TLN2: variants seen among roughly 807,000 people sequenced by gnomAD.
The protein encoded by TLN2 is talin 2.
TLN2 carries 118 observed loss-of-function variants against 294.7 expected under a neutral mutation model. The ratio of observed to expected loss-of-function variants is 0.40; its 90% confidence interval spans 0.34 to 0.47. The LOEUF is 0.47. Among genes scored for constraint, TLN2 ranks in the 20% least tolerant of loss-of-function variants. The pLI is 0.84. For missense variants in TLN2, 3,083 were observed against 3,282.2 expected, an observed-to-expected ratio of 0.94 and a Z score of 1.48; for synonymous variants, 1,431 against 1,304.5, an observed-to-expected ratio of 1.10 and a Z score of -2.09.
chr15:62,399,599 C>T (rs1464894361), intron 1 of TLN2, among the ~76,000 whole-genome samples: 1 of 152,254 alleles, frequency 6.6e-6, no homozygotes, highest in Admixed American at 6.5e-5. Flanking sequence ...CATGGGAACC[C>T]ACCTCTTGCA....
intron 2 of TLN2, among the ~76,000 whole-genome samples, chr15:62,608,987 G>A (rs1244786713): frequency 6.6e-6 from 1 of 152,076 alleles, no homozygotes; most frequent in Non-Finnish European, 1.5e-5. Flanking sequence ...CGTAGGCATT[G>A]AGGCTGTGCA....
At position 62,605,897 on chromosome 15, in the gene TLN2, CAG is replaced by C. The variant is rs756717919; in HGVS notation, c.-161-12453_-161-12452del. On this transcript the variant is annotated intron_variant, in intron 2 of 58. Coordinates refer to ENST00000636159, the MANE Select transcript of TLN2 (RefSeq NM_015059.3). ...CTTCAGATGTGCCTGGTACCACAAT[CAG>C]GGGCAGAAGGGCAGTCTGTCAGAAT... is the stretch of plus-strand genomic sequence containing the variant. 1.4e-4 allele frequency among the ~76,000 whole-genome samples: 21 copies of C among 152,160 alleles called. 1 individual carries two copies. Among genetic ancestry groups the C allele is most frequent in the Non-Finnish European group, 2.9e-4 (20 of 68,026 alleles).
chr15:62,788,250 G>T (rs1006383156), intron 45 of TLN2, among the ~76,000 whole-genome samples: 2 of 151,950 alleles, frequency 1.3e-5, no homozygotes, highest in African/African-American at 4.8e-5. Context: ...GGCGGAGGTT[G>T]CAGTGAGCCA....
chr15:62,532,270 T>G (rs950032485), intron 1 of TLN2, among the ~76,000 whole-genome samples: 1 of 146,330 alleles, frequency 6.8e-6, no homozygotes, highest in African/African-American at 2.5e-5. Context: ...GTTCTGTTTG[T>G]TTTTTTAGTA....
chr15:62,471,626 A>G (rs1320402839), intron 1 of TLN2, among the ~76,000 whole-genome samples: 3 of 152,284 alleles, frequency 2.0e-5, no homozygotes, highest in African/African-American at 7.2e-5. Context: ...CCTGAGGGCA[A>G]GAACTACCCT....
At position 62,697,754 on chromosome 15, in the gene TLN2, G is replaced by T. The variant is rs767329386; in HGVS notation, c.1359G>T (p.Pro453=). The change falls in exon 15 of 59, where the codon CCG becomes CCT. Residue 453 remains proline, a synonymous_variant. Coordinates refer to ENST00000636159, the MANE Select transcript of TLN2 (RefSeq NM_015059.3). ...GKAEHGSVAL[P]AVMRSGSSGP... ...CAGAGCACGGCTCAGTGGCGCTGCC[G>T]GCCGTGATGCGCTCGGGCTCCAGCG... 1.2e-6 allele frequency: 2 copies of T among 1,612,268 alleles called. No homozygotes were observed. The highest frequency in any genetic ancestry group is 1.7e-6 in the Non-Finnish European group (2 of 1,178,946).
At position 62,702,073 on chromosome 15, in the gene TLN2, G is replaced by T; in HGVS notation, c.1778G>T (p.Gly593Val). The T allele has an allele frequency of 6.2e-7, 1 of 1,614,240 alleles. No individual in the cohort carries two copies. The stretch of plus-strand genomic sequence containing the variant: ...TCCAACCTGACGGAGATGTCCAAGG[G>T]TGTGAAGCTATTGGCCGCCCTCATG... ...ISSNLTEMSKGVKLLAALMDD... is the reference protein window; with the variant it reads ...ISSNLTEMSKVVKLLAALMDD... Residue 593 changes from glycine (G) to valine (V), a missense_variant, in exon 18 of 59, where the codon GGT (glycine) becomes GTT (valine). Transcript: ENST00000636159.
intron 2 of TLN2, among the ~76,000 whole-genome samples, chr15:62,612,363 C>A (rs149071236): frequency 6.6e-6 from 1 of 152,072 alleles, no homozygotes; most frequent in East Asian, 1.9e-4. Flanking sequence ...ATGTTGTTTT[C>A]GTTGCTTTCT....
chr15:62,801,793 A>G (rs1438538466), intron 50 of TLN2, among the ~76,000 whole-genome samples: 2 of 152,184 alleles, frequency 1.3e-5, no homozygotes, highest in African/African-American at 4.8e-5. Context: ...AAATCTGGAC[A>G]CAGCTCCTTT....
intron 9 of TLN2, among the ~76,000 whole-genome samples, chr15:62,670,727 T>C (rs1458965208): frequency 1.3e-5 from 2 of 152,252 alleles, no homozygotes; most frequent in South Asian, 2.1e-4. Context: ...TTTGAGTTAT[T>C]ATCATCTTTT....
At chr15:62,774,214 C>T (rs908667604) in intron 42 of TLN2, among the ~76,000 whole-genome samples, 8 of 152,180 alleles carry the variant, frequency 5.3e-5, no homozygotes, top group African/African-American at 1.7e-4. Context: ...TCTGTGCCTG[C>T]TATCCTGGGC....
At chr15:62,531,465 T>A (rs1025536000) in intron 1 of TLN2, among the ~76,000 whole-genome samples, 7 of 152,196 alleles carry the variant, frequency 4.6e-5, no homozygotes, top group African/African-American at 1.7e-4. Flanking sequence ...TGTCTTTTTT[T>A]TCATATGCTT....
chr15:62,674,800 C>A (rs2055960547), intron 10 of TLN2, among the ~76,000 whole-genome samples: 2 of 152,158 alleles, frequency 1.3e-5, no homozygotes, highest in South Asian at 4.1e-4. Context: ...CCACACCCAG[C>A]CAATACATTG....
Position 62,819,543 on chromosome 15 carries a change from AAGC to A in TLN2, c.6806_6808del (p.Gln2269del). 6.2e-7 allele frequency: 1 copy of A among 1,614,042 alleles called. No individual in the cohort carries two copies. Among genetic ancestry groups the A allele is most frequent in the East Asian group, 2.2e-5 (1 of 44,868 alleles). On this transcript the variant is annotated inframe_deletion, in exon 53 of 59. Transcript: ENST00000636159. ...TCTTCAGAAACCAACCCCAGAATTC[AAGC>A]AGCAGCTGGCCGCTTTCTCCAAGCG...
At chr15:62,731,574 G>C (rs757521986) in intron 28 of TLN2, among the ~76,000 whole-genome samples, 1 of 152,138 alleles carries the variant, frequency 6.6e-6, no homozygotes, top group Non-Finnish European at 1.5e-5. Flanking sequence ...AAGGGTTGCT[G>C]TTTACCAGGG....
At chr15:62,413,176 C>G (rs911209075) in intron 1 of TLN2, among the ~76,000 whole-genome samples, 5 of 152,308 alleles carry the variant, frequency 3.3e-5, no homozygotes, top group South Asian at 2.1e-4. Context: ...CTAGTTAGCA[C>G]TGGTATCCTG....
intron 1 of TLN2, among the ~76,000 whole-genome samples, chr15:62,447,153 A>ATATT (rs201934193): frequency 0.022 from 1,854 of 82,514 alleles, 35 homozygotes; most frequent in African/African-American, 0.061. Flanking sequence ...CAAGAAGCCT[A>ATATT]TATTTATTTA....
At chr15:62,558,488 T>G (rs1389419866) in intron 1 of TLN2, among the ~76,000 whole-genome samples, 1 of 152,140 alleles carries the variant, frequency 6.6e-6, no homozygotes, top group South Asian at 2.1e-4. Context: ...TCTTCAACCT[T>G]CATAGATTCT....
chr15:62,671,934 T>A (rs2055480411), intron 9 of TLN2, among the ~76,000 whole-genome samples: 1 of 152,340 alleles, frequency 6.6e-6, no homozygotes, highest in African/African-American at 2.4e-5. Flanking sequence ...TATTCTTTAT[T>A]GCCAAGAATA....
Sources: allele counts gnomAD v4.1 joint callset (sites outside exome capture counted in the v4.1 genomes callset), GRCh38; gene constraint gnomAD v4.1.1; transcripts MANE v1.5; gene names NCBI Gene and HGNC (gene_info 2026-07-23, HGNC 2026-07-21).